The following RNF150 variants were observed in gnomAD, a reference collection of about 807,000 sequenced individuals.
RNF150 encodes ring finger protein 150.
Under a neutral mutation model 39.3 loss-of-function variants are expected in RNF150, and 24 were observed. The observed-to-expected ratio is 0.61, with a 90% CI of 0.44 to 0.86. RNF150 has a LOEUF of 0.86. Ranked by LOEUF, RNF150 falls within the 40% of genes least tolerant of loss-of-function variation. The pLI, the probability that RNF150 is intolerant of heterozygous loss-of-function variation, is 0.00. For synonymous variants in RNF150, 255 were observed against 227.3 expected, an observed-to-expected ratio of 1.12 and a Z score of -1.10; for missense variants, 502 against 587.8, an observed-to-expected ratio of 0.85 and a Z score of 1.51.
chr4:141,020,139 T>G (rs550254185), intron 1 of RNF150, among the ~76,000 whole-genome samples: 2 of 152,070 alleles, frequency 1.3e-5, no homozygotes, highest in East Asian at 3.8e-4. Flanking sequence ...ACTGGTCAAC[T>G]TCAAGAAAAA....
intron 1 of RNF150, among the ~76,000 whole-genome samples, chr4:141,172,448 T>C (rs1727745818): frequency 6.6e-6 from 1 of 152,194 alleles, no homozygotes; most frequent in Non-Finnish European, 1.5e-5. Flanking sequence ...TTGGGATCAA[T>C]AATTTATCTA....
At chr4:140,920,589 G>C (rs1162122071) in intron 5 of RNF150, among the ~76,000 whole-genome samples, 1 of 140,384 alleles carries the variant, frequency 7.1e-6, no homozygotes, top group Non-Finnish European at 1.5e-5. Context: ...ACTGTTGTTG[G>C]GACTATAAAC....
intron 1 of RNF150, among the ~76,000 whole-genome samples, chr4:140,969,570 C>G (rs922113245): frequency 1.3e-5 from 2 of 151,992 alleles, no homozygotes; most frequent in African/African-American, 4.8e-5. Flanking sequence ...TGAGGCTCAT[C>G]CTGGTGCTGC....
intron 1 of RNF150, among the ~76,000 whole-genome samples, chr4:141,028,291 G>C (rs1162079241): frequency 6.6e-6 from 1 of 152,148 alleles, no homozygotes; most frequent in Non-Finnish European, 1.5e-5. Flanking sequence ...ATTAATCTTT[G>C]ATATGCATGG....
Position 141,191,608 on chromosome 4 carries a change from G to GAT in RNF150, c.-6+21184_-6+21185dup, listed in dbSNP as rs1728110582. ...CAATGAAGAGGAGATGGTGTGCTTG[G>GAT]ATATATATACTGCTTCATAAATAAT... On this transcript the variant is annotated intron_variant, in intron 1 of 7. Coordinates refer to the RNF150 transcript ENST00000420921. 2.6e-5 allele frequency among the ~76,000 whole-genome samples: 4 copies of GAT among 152,204 alleles called. No homozygotes were observed. The South Asian group carries it at 8.3e-4, about 32-fold the overall frequency.
At chr4:140,915,936 G>T (rs925356696) in intron 5 of RNF150, among the ~76,000 whole-genome samples, 1 of 152,154 alleles carries the variant, frequency 6.6e-6, no homozygotes, top group Non-Finnish European at 1.5e-5. Flanking sequence ...AGGCAAACAG[G>T]GTCTGGAGTG....
chr4:140,999,045 C>CT (rs1463322027), intron 1 of RNF150, among the ~76,000 whole-genome samples: 2 of 152,176 alleles, frequency 1.3e-5, no homozygotes, highest in African/African-American at 2.4e-5. Flanking sequence ...TCCTCACACT[C>CT]TGAGTTTTGC....
intron 6 of RNF150, among the ~76,000 whole-genome samples, chr4:140,874,541 C>T (rs1245607263): frequency 2.0e-5 from 3 of 152,208 alleles, no homozygotes; most frequent in Non-Finnish European, 2.9e-5. Flanking sequence ...TTACTGAGTA[C>T]TTAGTCCATG....
intron 6 of RNF150, among the ~76,000 whole-genome samples, chr4:140,870,456 ATGTG>A (rs36234235): frequency 7.8e-4 from 115 of 147,788 alleles, no homozygotes; most frequent in South Asian, 5.4e-3. Flanking sequence ...TTGTGCGTGT[ATGTG>A]TGTGTGTGTG....
At chr4:140,889,558 T>C (rs777352374) in intron 6 of RNF150, among the ~76,000 whole-genome samples, 12 of 152,220 alleles carry the variant, frequency 7.9e-5, no homozygotes, top group Non-Finnish European at 1.3e-4. Context: ...AATCTCATGC[T>C]ACTCTGAAGC....
Position 141,078,832 on chromosome 4 carries a change from T to TACACACACAC in RNF150, c.484+53483_484+53492dup, listed in dbSNP as rs1553944695. On this transcript the variant is annotated intron_variant, in intron 1 of 6. Transcript: ENST00000515673. ...AAATATATATATATATATATATATA[T>TACACACACAC]ACACACACACACACACATACATACA... Among the ~76,000 whole-genome samples, 8 of 102,854 alleles carry TACACACACAC rather than the reference T, an allele frequency of 7.8e-5. No homozygotes were observed. The South Asian group carries it at 1.7e-3, about 22-fold the overall frequency. 67.5% of individuals were successfully genotyped at this position (102,854 alleles called of 152,430 possible).
intron 1 of RNF150, among the ~76,000 whole-genome samples, chr4:141,026,758 G>T: frequency 6.6e-6 from 1 of 152,192 alleles, no homozygotes; most frequent in African/African-American, 2.4e-5. Flanking sequence ...TAGAACATCA[G>T]TTTGAGAAAC....
intron 1 of RNF150, among the ~76,000 whole-genome samples, chr4:141,004,227 AG>A (rs1734783082): frequency 7.0e-6 from 1 of 142,352 alleles, no homozygotes; most frequent in African/African-American, 2.6e-5. Context: ...AACAGATGTT[AG>A]TAAAAAAAAA....
intron 2 of RNF150, 72 bp downstream of exon 2, chr4:140,967,551 T>C: frequency 2.1e-6 from 3 of 1,399,348 alleles, no homozygotes; most frequent in Non-Finnish European, 1.9e-6. Context: ...TGGTATTTTC[T>C]GTCATGTTCA....
At chr4:141,152,810 G>T (rs182891473) in intron 1 of RNF150, among the ~76,000 whole-genome samples, 10 of 152,188 alleles carry the variant, frequency 6.6e-5, no homozygotes, top group African/African-American at 2.4e-4. Context: ...TACTAAATTA[G>T]CCTTTGAAAG....
At chr4:141,025,052 A>C (rs576956106) in intron 1 of RNF150, among the ~76,000 whole-genome samples, 3 of 152,278 alleles carry the variant, frequency 2.0e-5, no homozygotes, top group East Asian at 1.9e-4. Flanking sequence ...TGGCATAATA[A>C]ATTTGGAAGG....
chr4:141,111,264 CTT>C (rs552162336), intron 1 of RNF150, among the ~76,000 whole-genome samples: 1 of 152,174 alleles, frequency 6.6e-6, no homozygotes, highest in South Asian at 2.1e-4. Flanking sequence ...AGGCAATAAA[CTT>C]TTAGGGCTTC....
intron 1 of RNF150, among the ~76,000 whole-genome samples, chr4:141,155,219 G>A (rs910955367): frequency 2.0e-5 from 3 of 150,994 alleles, no homozygotes; most frequent in Admixed American, 6.6e-5. Flanking sequence ...CTGAGTAACT[G>A]GAACTACAGG....
chr4:141,107,632 C>T lies in RNF150; in HGVS notation c.484+24693G>A, dbSNP rs147077983. Among the ~76,000 whole-genome samples the T allele has an allele frequency of 4.8e-3, 728 of 152,288 alleles. 7 individuals are homozygous for T. Among genetic ancestry groups the T allele is most frequent in the African/African-American group, 0.017 (690 of 41,576 alleles). ...TGGTGCTCGGGCAACAAAGATGATACATGCAAGTTGTCATGAGGTCTGCTA... is the reference window on the plus strand; with the variant it reads ...TGGTGCTCGGGCAACAAAGATGATATATGCAAGTTGTCATGAGGTCTGCTA... On this transcript the variant is annotated intron_variant, in intron 1 of 6. Transcript: ENST00000515673.
Sources: gnomAD v4.1 joint callset for allele counts (sites outside exome capture counted in the v4.1 genomes callset) on GRCh38, gnomAD v4.1.1 for gene constraint, MANE v1.5 for transcripts, NCBI Gene and HGNC (gene_info 2026-07-23, HGNC 2026-07-21) for gene names.